The following PDE4B variants were observed in gnomAD, a reference collection of about 807,000 sequenced individuals.
PDE4B encodes phosphodiesterase 4B.
In PDE4B, 20 loss-of-function variants were observed where a neutral mutation model predicts 82.2. The observed-to-expected ratio is 0.24, with a 90% confidence interval of 0.17 to 0.35. PDE4B has a LOEUF of 0.35. Among genes scored for constraint, PDE4B ranks in the 10% least tolerant of loss-of-function variants. PDE4B has a pLI of 1.00. For missense variants in PDE4B, 655 were observed against 907.2 expected, an observed-to-expected ratio of 0.72 and a Z score of 3.57; for synonymous variants, 320 against 318.9, an observed-to-expected ratio of 1.00 and a Z score of -0.04.
At chr1:66,088,696 T>C (rs1364432161) in intron 3 of PDE4B, among the ~76,000 whole-genome samples, 2 of 152,108 alleles carry the variant, frequency 1.3e-5, no homozygotes, top group Non-Finnish European at 2.9e-5. Context: ...GGTCAGAACT[T>C]GGGCTTCAGA....
At chr1:66,182,351 A>G (rs893045841) in intron 3 of PDE4B, among the ~76,000 whole-genome samples, 1 of 152,174 alleles carries the variant, frequency 6.6e-6, no homozygotes, top group Non-Finnish European at 1.5e-5. Flanking sequence ...TAATTTGTTT[A>G]GAATTTTTAT....
intron 3 of PDE4B, among the ~76,000 whole-genome samples, chr1:66,200,801 A>C (rs144430002): frequency 6.6e-6 from 1 of 152,130 alleles, no homozygotes; most frequent in Non-Finnish European, 1.5e-5. Flanking sequence ...AACAGGGAGA[A>C]TTTACTTCCT....
At chr1:65,928,663 C>A (rs148095414) in intron 3 of PDE4B, among the ~76,000 whole-genome samples, 306 of 152,260 alleles carry the variant, frequency 2.0e-3, no homozygotes, top group African/African-American at 6.4e-3. Context: ...TTTTGCAAGG[C>A]ATTGGTCAAG....
chr1:66,234,250 T>C (rs1242092193), intron 3 of PDE4B, among the ~76,000 whole-genome samples: 1 of 152,214 alleles, frequency 6.6e-6, no homozygotes. Flanking sequence ...TTACAAGGAA[T>C]TCGTCCACTT....
intron 3 of PDE4B, among the ~76,000 whole-genome samples, chr1:66,044,762 A>T (rs1334166650): frequency 1.3e-5 from 2 of 151,738 alleles, no homozygotes; most frequent in East Asian, 3.9e-4. Flanking sequence ...TAGAAATTTG[A>T]ATAAGAATCT....
intron 1 of PDE4B, among the ~76,000 whole-genome samples, chr1:65,911,837 T>A (rs1204483657): frequency 2.0e-5 from 3 of 152,142 alleles, no homozygotes; most frequent in African/African-American, 7.2e-5. Context: ...ACTTTGTCAG[T>A]TTCACTGCCA....
intron 10 of PDE4B, among the ~76,000 whole-genome samples, chr1:66,362,292 TAA>T (rs1402628294): frequency 6.6e-6 from 1 of 151,976 alleles, no homozygotes; most frequent in Non-Finnish European, 1.5e-5. Context: ...GGAAAAGAAA[TAA>T]AGAGAAACTG....
intron 3 of PDE4B, among the ~76,000 whole-genome samples, chr1:66,187,258 C>T (rs1423673857): frequency 6.6e-6 from 1 of 151,742 alleles, no homozygotes; most frequent in African/African-American, 2.4e-5. Context: ...AGGATTTTTG[C>T]ATCAATGTTC....
chr1:65,960,326 A>G (rs926692097), intron 3 of PDE4B, among the ~76,000 whole-genome samples: 2 of 151,956 alleles, frequency 1.3e-5, no homozygotes, highest in Non-Finnish European at 2.9e-5. Context: ...CACCATCTCC[A>G]TTATCTGTCG....
chr1:66,313,687 G>A (rs755878101), intron 7 of PDE4B, among the ~76,000 whole-genome samples: 10 of 152,198 alleles, frequency 6.6e-5, no homozygotes, highest in Non-Finnish European at 1.0e-4. Context: ...TGACTGTGTG[G>A]CAACTGGGAA....
chr1:65,799,701 C>T (rs1426871352), intron 1 of PDE4B, among the ~76,000 whole-genome samples: 1 of 152,140 alleles, frequency 6.6e-6, no homozygotes, highest in Non-Finnish European at 1.5e-5. Flanking sequence ...GGGCATGCTA[C>T]ATTGGTATAC....
chr1:66,095,966 T>A (rs1233531424), intron 3 of PDE4B, among the ~76,000 whole-genome samples: 1 of 151,852 alleles, frequency 6.6e-6, no homozygotes, highest in Non-Finnish European at 1.5e-5. Context: ...TGTGTATTGA[T>A]GAGATCAGGA....
rs200790795 is a variant in PDE4B, at chr1:66,164,658, AC to A, written c.282-82801del. ...TGCATTTGAAATATAGAGTCTAAGA[AC>A]TTAAATTCGAGCCCTGACTCTGGAT... On this transcript the variant is annotated intron_variant, in intron 3 of 16. Transcript: ENST00000341517. 1.6e-3 allele frequency among the ~76,000 whole-genome samples: 235 copies of A among 151,184 alleles called. 1 individual carries two copies. Among genetic ancestry groups the A allele is most frequent in the African/African-American group, 5.3e-3 (221 of 41,372 alleles).
Position 66,109,729 on chromosome 1 carries a change from T to A in PDE4B, c.282-137731T>A, listed in dbSNP as rs568371986. ...TTATTTTAGATTTAGGGGATACATG[T>A]ATATGTTTGTTACATGGATATATTG... On this transcript the variant is annotated intron_variant, in intron 3 of 16. Transcript: ENST00000341517. Among the ~76,000 whole-genome samples, 16 of 152,080 alleles carry A rather than the reference T, an allele frequency of 1.1e-4. No individual in the cohort carries two copies. In the Middle Eastern group the frequency reaches 0.01, roughly 97 times the overall value.
chr1:66,228,771 A>G (rs1425238575), intron 3 of PDE4B, among the ~76,000 whole-genome samples: 2 of 152,018 alleles, frequency 1.3e-5, no homozygotes, highest in Non-Finnish European at 2.9e-5. Flanking sequence ...TTCTTTTTCT[A>G]CCATCCTTGT....
chr1:65,889,485 C>G (rs563044472), intron 1 of PDE4B, among the ~76,000 whole-genome samples: 19 of 150,548 alleles, frequency 1.3e-4, no homozygotes, highest in African/African-American at 4.7e-4. Flanking sequence ...AATATTAATA[C>G]TGTAGGTAAC....
chr1:65,801,573 T>C (rs1448132037), intron 1 of PDE4B, among the ~76,000 whole-genome samples: 1 of 152,204 alleles, frequency 6.6e-6, no homozygotes, highest in Admixed American at 6.5e-5. Context: ...TTTCATCTTA[T>C]TTTTCATTGC....
intron 8 of PDE4B, among the ~76,000 whole-genome samples, chr1:66,349,971 G>T (rs2101985420): frequency 6.6e-6 from 1 of 152,180 alleles, no homozygotes; most frequent in Middle Eastern, 3.4e-3. Context: ...AGTTAATTCA[G>T]CTTACCCAAG....
intron 7 of PDE4B, among the ~76,000 whole-genome samples, chr1:66,313,899 G>T (rs918276480): frequency 3.3e-5 from 5 of 152,072 alleles, no homozygotes; most frequent in Admixed American, 2.0e-4. Flanking sequence ...CTAAATCCTT[G>T]CAACCACGTG....
Sources: gnomAD v4.1 joint callset for allele counts (sites outside exome capture counted in the v4.1 genomes callset) on GRCh38, gnomAD v4.1.1 for gene constraint, MANE v1.5 for transcripts, NCBI Gene and HGNC (gene_info 2026-07-23, HGNC 2026-07-21) for gene names.